DAW1: variants seen among roughly 807,000 people sequenced by gnomAD.
DAW1 encodes the protein dynein assembly factor with WD repeats 1, also known as dynein assembly factor with WD repeat domains 1.
DAW1 carries 47 observed loss-of-function variants against 56.5 expected under a neutral mutation model. The observed-to-expected ratio is 0.83, with a 90% CI of 0.66 to 1.06. DAW1 has a LOEUF of 1.06. Ranked by LOEUF, DAW1 falls within the 50% of genes least tolerant of loss-of-function variation. The pLI is 0.00. For missense variants in DAW1, 505 were observed against 499.3 expected (o/e 1.01, Z -0.11); for synonymous variants, 190 against 179.0 (o/e 1.06, Z -0.49).
intron 7 of DAW1, among the ~76,000 whole-genome samples, chr2:227,903,439 C>A (rs1368682661): frequency 6.6e-6 from 1 of 152,198 alleles, no homozygotes; most frequent in African/African-American, 2.4e-5. Flanking sequence ...ACAAGAGAAT[C>A]CTTAGAGCAA....
chr2:227,911,506 C>T (rs1361125151), intron 10 of DAW1, among the ~76,000 whole-genome samples: 1 of 151,570 alleles, frequency 6.6e-6, no homozygotes, highest in African/African-American at 2.4e-5. Context: ...TGCCTGACAA[C>T]TGCATATTAT....
chr2:227,911,267 C>CATATACACGTGTATATAT lies in DAW1; in HGVS notation c.973+4016_973+4017insTATACACGTGTATATATA, dbSNP rs1559312581. On this transcript the variant is annotated intron_variant, in intron 10 of 12. Transcript: ENST00000309931. Reference sequence around the variant, plus strand: ...ATATACATATATACACGTGTATATACACATATACACGTGTATATATACATA... The same window carrying CATATACACGTGTATATAT: ...ATATACATATATACACGTGTATATACATATACACGTGTATATATACATATACACGTGTATATATACATA... 4.4e-3 allele frequency among the ~76,000 whole-genome samples: 590 copies of CATATACACGTGTATATAT among 132,764 alleles called. 72 individuals carry two copies. Among genetic ancestry groups the CATATACACGTGTATATAT allele is most frequent in the Middle Eastern group, 0.013 (3 of 240 alleles). 87.1% of individuals were successfully genotyped at this position (132,764 alleles called of 152,430 possible). A position where few individuals can be genotyped will look rare whatever the true frequency, so the allele number is the denominator to read the frequency against.
At chr2:227,893,264 TG>T (rs1691316811) in intron 4 of DAW1, among the ~76,000 whole-genome samples, 1 of 132,116 alleles carries the variant, frequency 7.6e-6, no homozygotes, top group Non-Finnish European at 1.6e-5. Context: ...AGCAAGACTC[TG>T]TCTCGGGGGT....
chr2:227,885,325 TATAAC>T (rs1691097935), intron 1 of DAW1, 21 bp from the exon 2 acceptor site: 1 of 1,512,594 alleles, frequency 6.6e-7, no homozygotes. Context: ...GTAAGTGTTT[TATAAC>T]ATGTTTGTTT....
chr2:227,898,222 C>T lies in DAW1; in HGVS notation c.481C>T (p.Leu161Phe). Reference protein sequence around the residue: ...ATGSFDKTCKLWSVETGKCYH... With the variant: ...ATGSFDKTCKFWSVETGKCYH... ...TGGGTCCTTTGATAAAACTTGTAAA[C>T]TCTGGAGTGTGGAAACAGGAAAATG... Residue 161 changes from leucine to phenylalanine, a missense_variant, in exon 6 of 13, where the codon CTC becomes TTC. Leu to Phe is a conservative substitution (Grantham distance 22). Transcript: ENST00000309931. The T allele has an allele frequency of 1.3e-6, 2 of 1,579,276 alleles. No homozygotes were observed. The highest frequency in any genetic ancestry group is 1.7e-6 in the Non-Finnish European group (2 of 1,160,094).
chr2:227,908,141 CAT>C (rs1691730837), intron 10 of DAW1, among the ~76,000 whole-genome samples: 2 of 152,200 alleles, frequency 1.3e-5, no homozygotes, highest in South Asian at 4.1e-4. Context: ...CTGTTGCTCA[CAT>C]GTGACATGAT....
rs182307955 is a variant in DAW1 at position 227,906,231 on chromosome 2, T to C, written c.756-5T>C. ...TCACTAGTTTTAATTATTTTTGTGTTGTAGGAAGGTAAATATCTTAATTGG... is the reference window on the plus strand; with the variant it reads ...TCACTAGTTTTAATTATTTTTGTGTCGTAGGAAGGTAAATATCTTAATTGG... On this transcript the variant is annotated splice_polypyrimidine_tract_variant and splice_region_variant and intron_variant, in intron 8 of 12. Coordinates refer to ENST00000309931, the MANE Select transcript of DAW1 (RefSeq NM_178821.3). 271 of 1,602,878 alleles carry C rather than the reference T, an allele frequency of 1.7e-4. 3 individuals are homozygous for C. The East Asian group carries it at 5.7e-3, about 34-fold the overall frequency.
chr2:227,916,525 G>T (rs764482602), intron 10 of DAW1, among the ~76,000 whole-genome samples: 29 of 152,094 alleles, frequency 1.9e-4, no homozygotes, highest in Non-Finnish European at 4.0e-4. Context: ...AACCAAGTAT[G>T]ATGCTATACT....
At chr2:227,918,589 C>T (rs111930210) in intron 10 of DAW1, among the ~76,000 whole-genome samples, 191 bp from the exon 11 acceptor site, 28 of 152,296 alleles carry the variant, frequency 1.8e-4, no homozygotes, top group African/African-American at 6.5e-4. Flanking sequence ...GGAGCTCCCT[C>T]TCACCCTCTC....
At chr2:227,879,803 A>G (rs927737171) in intron 1 of DAW1, among the ~76,000 whole-genome samples, 3 of 152,110 alleles carry the variant, frequency 2.0e-5, no homozygotes, top group African/African-American at 7.2e-5. Context: ...TTAATTTGAA[A>G]TAGTATTACA....
chr2:227,907,259 G>T lies in DAW1; in HGVS notation c.973+7G>T. ...GCAACTGCTTCAGCTGATGGTAGGT[G>T]ATCTGTTCATTCTTTTAATTTTTGG... On this transcript the variant is annotated splice_region_variant and intron_variant, in intron 10 of 12. Coordinates refer to ENST00000309931, the MANE Select transcript of DAW1 (RefSeq NM_178821.3). 6.2e-7 allele frequency: 1 copy of T among 1,605,966 alleles called. No homozygotes were observed. The highest frequency in any genetic ancestry group is 1.1e-5 in the South Asian group (1 of 90,294).
chr2:227,908,172 C>A (rs1289818388), intron 10 of DAW1, among the ~76,000 whole-genome samples: 1 of 152,180 alleles, frequency 6.6e-6, no homozygotes, highest in African/African-American at 2.4e-5. Context: ...TGTCTTATCG[C>A]CTAAGGATCA....
At chr2:227,873,615 T>C (rs1192737245) in intron 1 of DAW1, among the ~76,000 whole-genome samples, 1 of 152,176 alleles carries the variant, frequency 6.6e-6, no homozygotes, top group Non-Finnish European at 1.5e-5. Context: ...ATTTTCTCCT[T>C]CATAGAATTC....
intron 10 of DAW1, among the ~76,000 whole-genome samples, chr2:227,917,287 G>T (rs919062706): frequency 6.8e-6 from 1 of 147,566 alleles, no homozygotes; most frequent in Non-Finnish European, 1.5e-5. Context: ...TTTAGATGGA[G>T]TCTTGCTCTT....
chr2:227,886,771 G>A (rs1376551264), intron 2 of DAW1, among the ~76,000 whole-genome samples: 1 of 151,560 alleles, frequency 6.6e-6, no homozygotes, highest in Non-Finnish European at 1.5e-5. Flanking sequence ...ACACAAAATA[G>A]CAAGACTCTG....
In DAW1 at chr2:227,918,765, AC is replaced by A. The variant is rs773911090; in HGVS notation, c.974-11del. On this transcript the variant is annotated splice_polypyrimidine_tract_variant and intron_variant, in intron 10 of 12. Coordinates refer to ENST00000309931, the MANE Select transcript of DAW1 (RefSeq NM_178821.3). ...TTAAGATGAATTTATATATATCCCC[AC>A]CCCTCTCAAAAAGGAACAGCAAGAA... The A allele has an allele frequency of 4.3e-6, 7 of 1,613,762 alleles. No homozygotes were observed. Among genetic ancestry groups the A allele is most frequent in the Non-Finnish European group, 5.9e-6 (7 of 1,179,754 alleles).
intron 8 of DAW1, among the ~76,000 whole-genome samples, chr2:227,905,305 A>T (rs1027346411): frequency 6.6e-6 from 1 of 152,216 alleles, no homozygotes; most frequent in African/African-American, 2.4e-5. Flanking sequence ...TATTTATTTC[A>T]TGGATAATCA....
At chr2:227,912,568 T>C in intron 10 of DAW1, 1 of 1,210,774 alleles carries the variant, frequency 8.3e-7, no homozygotes, top group South Asian at 1.5e-5. Context: ...TGGACATTGC[T>C]ACACTTTGTG....
chr2:227,922,235 C>T (rs1238201843), intron 12 of DAW1, among the ~76,000 whole-genome samples: 3 of 152,218 alleles, frequency 2.0e-5, no homozygotes, highest in Non-Finnish European at 4.4e-5. Context: ...GGCTTTACAG[C>T]CCATTAGAGA....
Sources: gnomAD v4.1 joint callset for allele counts (sites outside exome capture counted in the v4.1 genomes callset) on GRCh38, gnomAD v4.1.1 for gene constraint, MANE v1.5 for transcripts, NCBI Gene and HGNC (gene_info 2026-07-23, HGNC 2026-07-21) for gene names.